Variants in LGALS8 observed in about 807,000 individuals in gnomAD.
LGALS8 encodes the protein galectin 8.
A neutral mutation model predicts 35.9 loss-of-function variants in LGALS8; 30 were observed. The ratio of observed to expected loss-of-function variants is 0.83; its 90% CI spans 0.62 to 1.13. LGALS8 has a LOEUF of 1.13. Among genes scored for constraint, LGALS8 ranks in the 50% most tolerant of loss-of-function variants. The pLI is 0.00. For missense variants in LGALS8, 366 were observed against 388.7 expected, an observed-to-expected ratio of 0.94 and a Z score of 0.49; for synonymous variants, 138 against 136.1, an observed-to-expected ratio of 1.01 and a Z score of -0.10.
intron 6 of LGALS8, chr1:236,542,526 G>T: frequency 1.8e-6 from 1 of 567,334 alleles, no homozygotes; most frequent in African/African-American, 1.9e-5. Flanking sequence ...AATTTATGGT[G>T]GAGGATAAAG....
intron 3 of LGALS8, among the ~76,000 whole-genome samples, chr1:236,538,566 A>T (rs1346283898): frequency 6.6e-6 from 1 of 152,202 alleles, no homozygotes; most frequent in Admixed American, 6.5e-5. Flanking sequence ...AGTTTCCAGT[A>T]GCCTTCCCTG....
At chr1:236,545,731 A>G (rs994938714) in intron 9 of LGALS8, among the ~76,000 whole-genome samples, 8 of 152,106 alleles carry the variant, frequency 5.3e-5, no homozygotes, top group African/African-American at 1.9e-4. Flanking sequence ...GTGCCCTGGT[A>G]TGTGGAGTGT....
In LGALS8 at chr1:236,548,958, A is replaced by G. The variant is rs968573175; in HGVS notation, c.*797A>G. On this transcript the variant is annotated 3_prime_UTR_variant, in exon 10 of 10. Coordinates refer to ENST00000366584, the MANE Select transcript of LGALS8 (RefSeq NM_201544.4). ...TGTATTTGAACTTAGGGCAAATCAGAGTCTACACAGACGCCTACAGAAAGT... is the reference window on the plus strand; with the variant it reads ...TGTATTTGAACTTAGGGCAAATCAGGGTCTACACAGACGCCTACAGAAAGT... 3.8e-5 allele frequency: 15 copies of G among 398,264 alleles called. No individual in the cohort carries two copies. The highest frequency in any genetic ancestry group is 6.2e-5 in the Non-Finnish European group (14 of 226,020). 24.7% of individuals were successfully genotyped at this position (398,264 alleles called of 1,614,324 possible).
intron 2 of LGALS8, among the ~76,000 whole-genome samples, chr1:236,533,832 G>A (rs1201031681): frequency 1.3e-5 from 2 of 152,140 alleles, no homozygotes; most frequent in Admixed American, 1.3e-4. Context: ...TTCCCATGAA[G>A]AGGCATCTGT....
At chr1:236,537,668 G>A (rs1661632808) in intron 3 of LGALS8, 83 bp downstream of exon 3, 3 of 1,032,588 alleles carry the variant, frequency 2.9e-6, no homozygotes, top group Admixed American at 1.9e-5. Context: ...AGGCGGGAGA[G>A]ACCATTTGAT....
intron 4 of LGALS8, 114 bp from the exon 5 acceptor site, chr1:236,540,450 T>C (rs1214199202): frequency 2.8e-5 from 35 of 1,231,362 alleles, no homozygotes; most frequent in Non-Finnish European, 3.6e-5. Flanking sequence ...TGGAGACCTG[T>C]GGGAACAGGT....
At chr1:236,547,963 A>C in intron 9 of LGALS8, 49 bp from the exon 10 acceptor site, 1 of 1,551,040 alleles carries the variant, frequency 6.4e-7, no homozygotes, top group South Asian at 1.1e-5. Context: ...ACAAACACAA[A>C]ATTTTAAACT....
intron 4 of LGALS8, chr1:236,540,280 G>A: frequency 3.4e-6 from 1 of 296,716 alleles, no homozygotes; most frequent in East Asian, 5.9e-5. Context: ...TGTCTCACAT[G>A]TATGCAGAGG....
rs1322589311 is a variant in LGALS8 at position 236,539,094 on chromosome 1, G to A, written c.345+5G>A. 1 of 1,612,274 alleles carries A rather than the reference G, an allele frequency of 6.2e-7. No homozygotes were observed. Among genetic ancestry groups the A allele is most frequent in the Non-Finnish European group, 8.5e-7 (1 of 1,178,902 alleles). On this transcript the variant is annotated splice_donor_5th_base_variant and intron_variant, in intron 4 of 9. Transcript: ENST00000366584. ...GTGCTGAAGGACAAATTCCAGGTAG[G>A]TTTTGGAGAGGGACAGGTTGAGTCC... is the stretch of plus-strand genomic sequence containing the variant.
At chr1:236,542,472 CCTGT>C in intron 6 of LGALS8, 1 of 467,056 alleles carries the variant, frequency 2.1e-6, no homozygotes, top group South Asian at 2.6e-5. Flanking sequence ...AGAGTAAGAC[CCTGT>C]CTCTTAAAAA....
chr1:236,541,745 A>G (rs750799840), intron 6 of LGALS8, 35 bp downstream of exon 6: 28 of 1,163,762 alleles, frequency 2.4e-5, no homozygotes, highest in Non-Finnish European at 3.4e-5. Flanking sequence ...CCACTGGTTT[A>G]AAAATGTTGT....
intron 8 of LGALS8, 21 bp downstream of exon 8, chr1:236,543,669 G>A: frequency 6.4e-7 from 1 of 1,563,986 alleles, no homozygotes; most frequent in Non-Finnish European, 8.8e-7. Flanking sequence ...TTCGGTACCA[G>A]TCACAGTGCA....
chr1:236,537,621 G>A (rs1449431611), intron 3 of LGALS8, 36 bp downstream of exon 3: 2 of 1,409,328 alleles, frequency 1.4e-6, no homozygotes, highest in African/African-American at 1.4e-5. Context: ...AGCATGAATA[G>A]GCTGTCTTTT....
chr1:236,543,484 G>GTGT (rs770147861), intron 7 of LGALS8, 76 bp from the exon 8 acceptor site: 1 of 1,050,898 alleles, frequency 9.5e-7, no homozygotes, highest in Non-Finnish European at 1.5e-6. Flanking sequence ...ACATTCCGTA[G>GTGT]TGTTCTTTGG....
upstream of LGALS8, among the ~76,000 whole-genome samples, chr1:236,519,925 TAACAG>T (rs1182790850): frequency 6.7e-6 from 1 of 149,132 alleles, no homozygotes; most frequent in Non-Finnish European, 1.5e-5. Flanking sequence ...GTTTTACACA[TAACAG>T]GAGTATTGTT....
upstream of LGALS8, among the ~76,000 whole-genome samples, chr1:236,520,259 A>C (rs1660514210): frequency 6.6e-6 from 1 of 151,942 alleles, no homozygotes; most frequent in South Asian, 2.1e-4. Flanking sequence ...GCCTGGTCAA[A>C]ATTTTTGTTT....
chr1:236,550,881 T>C lies in LGALS8; in HGVS notation c.*2720T>C, dbSNP rs751391092. 2.6e-6 allele frequency: 4 copies of C among 1,551,520 alleles called. No homozygotes were observed. Among genetic ancestry groups the C allele is most frequent in the Non-Finnish European group, 3.5e-6 (4 of 1,146,210 alleles). ...ATATGAGTGTGAACTCTGAGTAGAG[T>C]ATGAAACACCACAGAAAGTCTTAGA... On this transcript the variant is annotated 3_prime_UTR_variant, in exon 10 of 10. Coordinates refer to ENST00000366584, the MANE Select transcript of LGALS8 (RefSeq NM_201544.4).
chr1:236,539,598 T>TGTA (rs1661824560), intron 4 of LGALS8, among the ~76,000 whole-genome samples: 1 of 139,690 alleles, frequency 7.2e-6, no homozygotes, highest in Admixed American at 7.3e-5. Flanking sequence ...AGCGTGTATG[T>TGTA]GTACGGTTGA....
chr1:236,524,179 G>C (rs751325441), intron 1 of LGALS8, 118 bp downstream of exon 1: 1 of 456,648 alleles, frequency 2.2e-6, no homozygotes, highest in South Asian at 1.5e-5. Context: ...ATCACCATTT[G>C]ATGGGTGGGA....
Sources: gnomAD v4.1 joint callset for allele counts (sites outside exome capture counted in the v4.1 genomes callset) on GRCh38, gnomAD v4.1.1 for gene constraint, MANE v1.5 for transcripts, NCBI Gene and HGNC (gene_info 2026-07-23, HGNC 2026-07-21) for gene names.